The following PDZD2 variants were observed in gnomAD, a reference collection of about 807,000 sequenced individuals.
The protein encoded by PDZD2 is PDZ domain containing 2.
A neutral mutation model predicts 220.7 loss-of-function variants in PDZD2; 90 were observed. That is an observed-to-expected ratio of 0.41 (90% CI 0.34 to 0.49). The LOEUF (loss-of-function observed/expected upper bound fraction) is 0.49. PDZD2 is among the 20% of genes least tolerant of loss of function. PDZD2 has a pLI of 0.28. For missense variants in PDZD2, 3,174 were observed against 3,608.5 expected (o/e 0.88, Z 3.08); for synonymous variants, 1,375 against 1,450.5 (o/e 0.95, Z 1.18).
At chr5:31,906,000 T>C (rs1219365506) in intron 2 of PDZD2, among the ~76,000 whole-genome samples, 2 of 150,612 alleles carry the variant, frequency 1.3e-5, no homozygotes, top group Non-Finnish European at 3.0e-5. Flanking sequence ...ATTGAGGTTA[T>C]TTTATTTTTA....
chr5:32,102,230 G>A (rs1389178193), intron 24 of PDZD2, among the ~76,000 whole-genome samples: 1 of 152,114 alleles, frequency 6.6e-6, no homozygotes, highest in Non-Finnish European at 1.5e-5. Context: ...AGAGGAAGCG[G>A]AGGATGACAG....
chr5:31,745,748 G>A (rs1426738078), intron 1 of PDZD2, among the ~76,000 whole-genome samples: 3 of 151,058 alleles, frequency 2.0e-5, no homozygotes, highest in African/African-American at 7.3e-5. Context: ...TCCTATCTTA[G>A]TGAATGTTCA....
intron 2 of PDZD2, among the ~76,000 whole-genome samples, chr5:31,942,494 A>G (rs1292640737): frequency 6.6e-6 from 1 of 152,064 alleles, no homozygotes; most frequent in African/African-American, 2.4e-5. Context: ...TAAAGATACA[A>G]AGTTTCACTC....
chr5:32,027,905 A>G (rs1754800884), intron 6 of PDZD2, among the ~76,000 whole-genome samples: 1 of 152,174 alleles, frequency 6.6e-6, no homozygotes, highest in African/African-American at 2.4e-5. Flanking sequence ...TTGGCAACCT[A>G]AAAATAATCT....
chr5:31,844,469 G>T (rs949136678), intron 2 of PDZD2, among the ~76,000 whole-genome samples: 1 of 152,126 alleles, frequency 6.6e-6, no homozygotes, highest in Non-Finnish European at 1.5e-5. Flanking sequence ...ATATATTTAC[G>T]TATTACTGAG....
chr5:31,992,570 G>A (rs1227247509), intron 3 of PDZD2, among the ~76,000 whole-genome samples: 1 of 152,138 alleles, frequency 6.6e-6, no homozygotes, highest in Non-Finnish European at 1.5e-5. Context: ...CACATCCTTT[G>A]TTAACCATAC....
chr5:32,076,863 A>C lies in PDZD2; in HGVS notation c.3538-599A>C, dbSNP rs187849055. On this transcript the variant is annotated intron_variant, in intron 18 of 24. Transcript: ENST00000438447. ...AAAGATTTCTTACCAAAGCTGCTGAAAGACATATTATCCCTTTCACCTCTG... is the reference window on the plus strand; with the variant it reads ...AAAGATTTCTTACCAAAGCTGCTGACAGACATATTATCCCTTTCACCTCTG... 4.6e-5 allele frequency among the ~76,000 whole-genome samples: 7 copies of C among 152,360 alleles called. No homozygotes were observed. The East Asian group carries it at 1.3e-3, about 29-fold the overall frequency.
At chr5:31,964,326 T>C (rs772169698) in intron 2 of PDZD2, among the ~76,000 whole-genome samples, 7 of 152,226 alleles carry the variant, frequency 4.6e-5, no homozygotes, top group Non-Finnish European at 8.8e-5. Context: ...TAGATGAGCC[T>C]GAGGGACTCA....
chr5:32,042,432 G>A (rs189300721), intron 7 of PDZD2, among the ~76,000 whole-genome samples: 1 of 151,882 alleles, frequency 6.6e-6, no homozygotes, highest in African/African-American at 2.4e-5. Context: ...AATTAGTTGG[G>A]TGTGGTGGCA....
At chr5:32,073,181 G>A (rs1358530783) in intron 17 of PDZD2, among the ~76,000 whole-genome samples, 3 of 152,094 alleles carry the variant, frequency 2.0e-5, no homozygotes, top group African/African-American at 4.8e-5. Flanking sequence ...GGCAGGCGAC[G>A]ACCACTCTGA....
chr5:32,068,191 C>T (rs1315606879), intron 14 of PDZD2, among the ~76,000 whole-genome samples: 2 of 151,888 alleles, frequency 1.3e-5, no homozygotes, highest in Non-Finnish European at 2.9e-5. Context: ...AACTATCAGA[C>T]AGATCCTAAT....
chr5:32,074,823 T>C (rs79067583), intron 18 of PDZD2, among the ~76,000 whole-genome samples, 180 bp downstream of exon 18: 1 of 148,820 alleles, frequency 6.7e-6, no homozygotes, highest in African/African-American at 2.5e-5. Context: ...TTTTTTTTTT[T>C]TCTTGGAGAT....
intron 19 of PDZD2, among the ~76,000 whole-genome samples, chr5:32,082,025 G>GT (rs35433686): frequency 0.25 from 32,675 of 132,084 alleles, 4,296 homozygotes; most frequent in South Asian, 0.51. Flanking sequence ...GCATATCTTT[G>GT]TTTTTTTTTT....
chr5:31,806,135 G>A (rs370803210), intron 2 of PDZD2, among the ~76,000 whole-genome samples: 64 of 152,190 alleles, frequency 4.2e-4, no homozygotes, highest in African/African-American at 1.4e-3. Context: ...TCCATTTTTC[G>A]GATGATTTCC....
intron 1 of PDZD2, among the ~76,000 whole-genome samples, chr5:31,683,956 C>T (rs982728805): frequency 2.6e-5 from 4 of 151,266 alleles, no homozygotes; most frequent in Admixed American, 2.0e-4. Flanking sequence ...CCATTTGCCA[C>T]ATAGACTCAC....
chr5:31,989,416 C>CTTTTTT (rs1385913596), intron 3 of PDZD2, among the ~76,000 whole-genome samples: 9 of 120,628 alleles, frequency 7.5e-5, no homozygotes, highest in East Asian at 2.9e-4. Flanking sequence ...ACCACATTTT[C>CTTTTTT]TTTTCTTTTT....
At chr5:32,068,109 C>G (rs1417357306) in intron 14 of PDZD2, among the ~76,000 whole-genome samples, 2 of 151,418 alleles carry the variant, frequency 1.3e-5, no homozygotes, top group African/African-American at 4.9e-5. Context: ...TCTGAATGCA[C>G]TGAGAAGGAA....
At chr5:32,051,653 C>T (rs1033089681) in intron 8 of PDZD2, among the ~76,000 whole-genome samples, 15 of 151,958 alleles carry the variant, frequency 9.9e-5, no homozygotes, top group African/African-American at 1.9e-4. Flanking sequence ...TGCTTACACG[C>T]GTGTATATTA....
In PDZD2 at chr5:31,743,260, A is replaced by G. The variant is rs563701503; in HGVS notation, c.-360-55629A>G. Among the ~76,000 whole-genome samples, 18 of 151,950 alleles carry G rather than the reference A, an allele frequency of 1.2e-4. No individual in the cohort carries two copies. The South Asian group carries it at 3.6e-3, about 30-fold the overall frequency. On this transcript the variant is annotated intron_variant, in intron 1 of 24. Transcript: ENST00000438447. ...ACAATCATGGCTCACTGAAGCCTCAACCTTCCCGGGCTCAGGTGATCCTCC... is the reference window on the plus strand; with the variant it reads ...ACAATCATGGCTCACTGAAGCCTCAGCCTTCCCGGGCTCAGGTGATCCTCC...
Sources: gnomAD v4.1 joint callset for allele counts (sites outside exome capture counted in the v4.1 genomes callset) on GRCh38, gnomAD v4.1.1 for gene constraint, MANE v1.5 for transcripts, NCBI Gene and HGNC (gene_info 2026-07-23, HGNC 2026-07-21) for gene names.